Variants in ASTN2 observed in about 807,000 individuals in gnomAD.
ASTN2 encodes the protein astrotactin-2.
A neutral mutation model predicts 139.8 loss-of-function variants in ASTN2; 54 were observed. The ratio of observed to expected loss-of-function variants is 0.39; its 90% confidence interval spans 0.31 to 0.48. ASTN2 has a LOEUF of 0.48. Ranked by LOEUF, ASTN2 falls within the 20% of genes least tolerant of loss-of-function variation. The pLI, the probability that ASTN2 is intolerant of heterozygous loss-of-function variation, is 0.95. For missense variants in ASTN2, 1,565 were observed against 1,725.1 expected, an observed-to-expected ratio of 0.91 and a Z score of 1.64; for synonymous variants, 756 against 719.5, an observed-to-expected ratio of 1.05 and a Z score of -0.81.
intron 4 of ASTN2, among the ~76,000 whole-genome samples, chr9:117,098,430 T>A (rs1263553839): frequency 6.6e-6 from 1 of 152,104 alleles, no homozygotes; most frequent in Non-Finnish European, 1.5e-5. Flanking sequence ...AATTGAAAGA[T>A]TAATATCTGC....
At chr9:117,229,829 T>C (rs187219680) in intron 2 of ASTN2, among the ~76,000 whole-genome samples, 19 of 152,124 alleles carry the variant, frequency 1.2e-4, no homozygotes, top group South Asian at 6.2e-4. Flanking sequence ...ACTGGTGGTA[T>C]TGGGACCACT....
intron 1 of ASTN2, among the ~76,000 whole-genome samples, chr9:117,307,365 C>G (rs375582808): frequency 1.3e-5 from 2 of 152,188 alleles, no homozygotes; most frequent in East Asian, 1.9e-4. Context: ...TGTAAAACCT[C>G]ACACACACAT....
intron 1 of ASTN2, among the ~76,000 whole-genome samples, chr9:117,379,862 T>C (rs1830219749): frequency 6.6e-6 from 1 of 152,210 alleles, no homozygotes; most frequent in Non-Finnish European, 1.5e-5. Context: ...GAAAAGTTTG[T>C]ACTTTATTTG....
chr9:116,959,944 G>C (rs1835829486), intron 10 of ASTN2, among the ~76,000 whole-genome samples: 1 of 152,204 alleles, frequency 6.6e-6, no homozygotes, highest in Non-Finnish European at 1.5e-5. Context: ...CAGAGCTTTT[G>C]TGTGCGTGCC....
chr9:116,931,105 T>C (rs539533987), intron 10 of ASTN2, among the ~76,000 whole-genome samples: 1 of 152,260 alleles, frequency 6.6e-6, no homozygotes, highest in Non-Finnish European at 1.5e-5. Context: ...CCTGCTCTCC[T>C]CTGAGCTTTT....
At chr9:117,342,264 C>T (rs1005810714) in intron 1 of ASTN2, among the ~76,000 whole-genome samples, 2 of 152,176 alleles carry the variant, frequency 1.3e-5, no homozygotes, top group East Asian at 3.8e-4. Context: ...CTTGAATCCC[C>T]CATTCTGCCA....
intron 2 of ASTN2, among the ~76,000 whole-genome samples, chr9:117,276,349 G>A (rs1385274839): frequency 6.6e-6 from 1 of 152,178 alleles, no homozygotes; most frequent in African/African-American, 2.4e-5. Flanking sequence ...ATACTAGGCT[G>A]TTGCAATCAT....
intron 10 of ASTN2, among the ~76,000 whole-genome samples, chr9:116,934,727 A>G (rs566766097): frequency 2.6e-5 from 4 of 152,332 alleles, no homozygotes; most frequent in African/African-American, 7.2e-5. Context: ...TAGTTTACCT[A>G]TGTAACAAAC....
At chr9:116,960,281 C>A (rs1835840652) in intron 10 of ASTN2, among the ~76,000 whole-genome samples, 1 of 152,130 alleles carries the variant, frequency 6.6e-6, no homozygotes. Flanking sequence ...ATTCCTGAGG[C>A]CAGGCTACTA....
At chr9:117,221,901 A>C (rs957925530) in intron 2 of ASTN2, among the ~76,000 whole-genome samples, 9 of 152,164 alleles carry the variant, frequency 5.9e-5, no homozygotes, top group African/African-American at 1.7e-4. Context: ...TGACTTGACC[A>C]ACATCACAAA....
At chr9:116,647,592 G>A (rs996487989) in intron 17 of ASTN2, among the ~76,000 whole-genome samples, 2 of 152,210 alleles carry the variant, frequency 1.3e-5, no homozygotes, top group Non-Finnish European at 2.9e-5. Context: ...CCTATCTATT[G>A]CTATGCATGT....
rs112226534 is a variant in ASTN2 at position 116,900,118 on chromosome 9, C to A, written c.1890-36385G>T. 9.0e-3 allele frequency among the ~76,000 whole-genome samples: 1,373 copies of A among 152,312 alleles called. 19 individuals carry two copies. Among genetic ancestry groups the A allele is most frequent in the African/African-American group, 0.031 (1,296 of 41,564 alleles). On this transcript the variant is annotated intron_variant, in intron 10 of 22. Coordinates refer to ENST00000313400, the MANE Select transcript of ASTN2 (RefSeq NM_001365068.1). ...AATAAACTCCTCTCCTATCACTTAA[C>A]TGAATCTGCATTTATTAAACTATTT... is the stretch of plus-strand genomic sequence containing the variant.
At chr9:117,158,544 A>G (rs1487524227) in intron 3 of ASTN2, among the ~76,000 whole-genome samples, 1 of 152,066 alleles carries the variant, frequency 6.6e-6, no homozygotes, top group African/African-American at 2.4e-5. Flanking sequence ...AACTAAATCA[A>G]AACTTTCACC....
chr9:117,071,645 G>C (rs1828131439), intron 5 of ASTN2, among the ~76,000 whole-genome samples: 1 of 149,466 alleles, frequency 6.7e-6, no homozygotes, highest in Admixed American at 6.6e-5. Flanking sequence ...TCAGACTGCT[G>C]TGCTAGCAAT....
chr9:117,168,637 G>A (rs989110275), intron 3 of ASTN2, among the ~76,000 whole-genome samples: 1 of 152,132 alleles, frequency 6.6e-6, no homozygotes, highest in East Asian at 1.9e-4. Flanking sequence ...ATCAATCCAG[G>A]GACCTCATGT....
intron 1 of ASTN2, among the ~76,000 whole-genome samples, chr9:117,412,019 C>A (rs1831178846): frequency 1.4e-5 from 2 of 143,318 alleles, no homozygotes; most frequent in East Asian, 2.1e-4. Flanking sequence ...CCCCCCCCAA[C>A]CCCCAGCGGG....
chr9:116,826,525 G>GACT (rs1831630665), intron 11 of ASTN2, among the ~76,000 whole-genome samples: 1 of 152,160 alleles, frequency 6.6e-6, no homozygotes, highest in African/African-American at 2.4e-5. Context: ...CGAGACTGGG[G>GACT]ACTAGCCCGC....
At chr9:117,081,646 G>T (rs1483960784) in intron 5 of ASTN2, among the ~76,000 whole-genome samples, 1 of 152,164 alleles carries the variant, frequency 6.6e-6, no homozygotes, top group African/African-American at 2.4e-5. Context: ...GTTCATCTTG[G>T]GTAGGCCTGG....
intron 13 of ASTN2, among the ~76,000 whole-genome samples, chr9:116,761,151 C>T (rs983555867): frequency 6.6e-6 from 1 of 152,202 alleles, no homozygotes; most frequent in Non-Finnish European, 1.5e-5. Context: ...AATTTATTCA[C>T]CTGCACCTGC....
Sources: allele counts gnomAD v4.1 joint callset (sites outside exome capture counted in the v4.1 genomes callset), GRCh38; gene constraint gnomAD v4.1.1; transcripts MANE v1.5; gene names NCBI Gene and HGNC (gene_info 2026-07-23, HGNC 2026-07-21).